TSSK2: variants seen among roughly 807,000 people sequenced by gnomAD.
The protein encoded by TSSK2 is testis-specific serine/threonine-protein kinase 2.
In TSSK2, 5 loss-of-function variants were observed where a neutral mutation model predicts 14.2. The ratio of observed to expected loss-of-function variants is 0.35; its 90% CI spans 0.18 to 0.74. The LOEUF is 0.74. Among genes scored for constraint, TSSK2 ranks in the 30% least tolerant of loss-of-function variants. The pLI is 0.56. For missense variants in TSSK2, 439 were observed against 491.1 expected (o/e 0.89, Z 1.00); for synonymous variants, 209 against 201.9 (o/e 1.04, Z -0.30).
chr22:19,132,549 C>T lies in TSSK2; in HGVS notation c.*73C>T. On this transcript the variant is annotated 3_prime_UTR_variant, in exon 1 of 1. Transcript: ENST00000399635. This position sits in a 1 kb window ranked among gnomAD's most constrained non-coding sequence, Gnocchi z 4.2. ...ATGGTGCAGTCGGCCTTCACGTAAA[C>T]TAAGTAGGCAGGTAGGATCTGAAGA... 6.9e-7 allele frequency: 1 copy of T among 1,440,838 alleles called. No homozygotes were observed. The highest frequency in any genetic ancestry group is 1.3e-5 in the South Asian group (1 of 75,186). 89.3% of individuals were successfully genotyped at this position (1,440,838 alleles called of 1,614,324 possible). A position where few individuals can be genotyped will look rare whatever the true frequency, so the allele number is the denominator to read the frequency against.
chr22:19,131,615 C>T lies in TSSK2; in HGVS notation c.216C>T (p.Ile72=). ...DILATVNHGS[I]IKTYEIFETS... ...TGGCAACTGTCAACCACGGCTCCAT[C>T]ATCAAGACTTACGAGATCTTTGAGA... The change falls in exon 1 of 1, where the codon ATC becomes ATT. Residue 72 remains isoleucine, a synonymous_variant. Transcript: ENST00000399635. This position sits in a 1 kb window ranked among gnomAD's most constrained non-coding sequence, Gnocchi z 5.7. 1 of 1,614,188 alleles carries T rather than the reference C, an allele frequency of 6.2e-7. No individual in the cohort carries two copies. The highest frequency in any genetic ancestry group is 1.7e-5 in the Admixed American group (1 of 60,024).
Position 19,132,046 on chromosome 22 carries a change from A to G in TSSK2, c.647A>G (p.Tyr216Cys), listed in dbSNP as rs780346057. The change falls in exon 1 of 1, where the codon TAT (tyrosine) becomes TGT (cysteine). Residue 216 changes from tyrosine to cysteine, a missense_variant. By Grantham distance (194) the Tyr-to-Cys change is radical (BLOSUM62 -2). Transcript: ENST00000399635. The surrounding 1 kb of genome is among the most constrained non-coding windows in gnomAD (Gnocchi z 4.2). ...ATCATGGTCTGCGGCTCCATGCCCT[A>G]TGACGACTCCGACATCAGGAAGATG... is the stretch of plus-strand genomic sequence containing the variant. ...LYIMVCGSMP[Y>C]DDSDIRKMLR... is the part of the protein sequence containing the mutation. 6.2e-6 allele frequency: 10 copies of G among 1,613,910 alleles called. No individual in the cohort carries two copies. The highest frequency in any genetic ancestry group is 5.0e-5 in the Admixed American group (3 of 59,998).
chr22:19,131,694 C>T lies in TSSK2; in HGVS notation c.295C>T (p.Leu99Phe). 1.2e-6 allele frequency: 2 copies of T among 1,614,096 alleles called. No individual in the cohort carries two copies. Among genetic ancestry groups the T allele is most frequent in the Non-Finnish European group, 1.7e-6 (2 of 1,179,978 alleles). ...GGAGCTTGGCGTCCAGGGCGACCTC[C>T]TCGAGTTCATCAAGTGCCAGGGAGC... The part of the protein sequence containing the change: ...IMELGVQGDL[L>F]EFIKCQGALH... The change falls in exon 1 of 1, where the codon CTC (leucine) becomes TTC (phenylalanine). Residue 99 changes from leucine to phenylalanine, a missense_variant. By Grantham distance (22) the Leu-to-Phe change is conservative (BLOSUM62 0). Coordinates refer to ENST00000399635, the MANE Select transcript of TSSK2 (RefSeq NM_053006.5). This position sits in a 1 kb window ranked among gnomAD's most constrained non-coding sequence, Gnocchi z 5.7.
rs368344123 is a variant in TSSK2 at position 19,131,533 on chromosome 22, G to T, written c.134G>T (p.Arg45Leu). 1 of 1,614,132 alleles carries T rather than the reference G, an allele frequency of 6.2e-7. No homozygotes were observed. Among genetic ancestry groups the T allele is most frequent in the Non-Finnish European group, 8.5e-7 (1 of 1,180,024 alleles). Residue 45 changes from arginine (R) to leucine (L), a missense_variant, in exon 1 of 1, where the codon CGC becomes CTC. By Grantham distance (102) the Arg-to-Leu change is moderately radical. Coordinates refer to ENST00000399635, the MANE Select transcript of TSSK2 (RefSeq NM_053006.5). The surrounding 1 kb of genome is among the most constrained non-coding windows in gnomAD (Gnocchi z 5.7). Reference protein sequence around the residue: ...KFNVAVKIIDRKKTPTDFVER... With the variant: ...KFNVAVKIIDLKKTPTDFVER... ...AATGTGGCTGTCAAGATCATCGACC[G>T]CAAGAAAACACCTACTGACTTTGTG... is the stretch of plus-strand genomic sequence containing the variant.
At position 19,131,740 on chromosome 22, in the gene TSSK2, G is replaced by A. The variant is rs750282273; in HGVS notation, c.341G>A (p.Arg114His). The change falls in exon 1 of 1, where the codon CGC (arginine) becomes CAC (histidine). Residue 114 changes from arginine (R) to histidine (H), a missense_variant. By Grantham distance (29) the Arg-to-His change is conservative (BLOSUM62 0). Transcript: ENST00000399635. The surrounding 1 kb of genome is among the most constrained non-coding windows in gnomAD (Gnocchi z 5.7). ...CQGALHEDVA[R>H]KMFRQLSSAV... ...GGAGCCCTGCATGAGGACGTGGCAC[G>A]CAAGATGTTCCGACAGCTCTCCTCC... 1.1e-5 allele frequency: 18 copies of A among 1,613,912 alleles called. No individual in the cohort carries two copies. The highest frequency in any genetic ancestry group is 6.7e-5 in the African/African-American group (5 of 74,910).
At position 19,131,697 on chromosome 22, in the gene TSSK2, G is replaced by A. The variant is rs1220520538; in HGVS notation, c.298G>A (p.Glu100Lys). ...MELGVQGDLLEFIKCQGALHE... is the reference protein window; with the variant it reads ...MELGVQGDLLKFIKCQGALHE... ...GCTTGGCGTCCAGGGCGACCTCCTC[G>A]AGTTCATCAAGTGCCAGGGAGCCCT... The change falls in exon 1 of 1, where the codon GAG becomes AAG. Residue 100 changes from glutamate (E) to lysine (K), a missense_variant. Glu to Lys is a moderately conservative substitution (Grantham distance 56). Transcript: ENST00000399635. The surrounding 1 kb of genome is among the most constrained non-coding windows in gnomAD (Gnocchi z 5.7). 4.3e-6 allele frequency: 7 copies of A among 1,613,992 alleles called. No individual in the cohort carries two copies. Among genetic ancestry groups the A allele is most frequent in the Non-Finnish European group, 3.4e-6 (4 of 1,179,972 alleles).
chr22:19,132,238 C>A lies in TSSK2; in HGVS notation c.839C>A (p.Thr280Lys). Residue 280 changes from threonine (T) to lysine (K), a missense_variant, in exon 1 of 1, where the codon ACG becomes AAG. Thr to Lys is a moderately conservative substitution (Grantham distance 78). Transcript: ENST00000399635. The surrounding 1 kb of genome is among the most constrained non-coding windows in gnomAD (Gnocchi z 4.2). ...SWLQPPKPKA[T>K]SSASFKREGE... Reference sequence around the variant, plus strand: ...CTGCAGCCCCCCAAGCCCAAAGCCACGTCTTCTGCCTCCTTCAAGAGGGAG... The same window carrying A: ...CTGCAGCCCCCCAAGCCCAAAGCCAAGTCTTCTGCCTCCTTCAAGAGGGAG... 4 of 1,611,478 alleles carry A rather than the reference C, an allele frequency of 2.5e-6. No homozygotes were observed. The highest frequency in any genetic ancestry group is 3.4e-6 in the Non-Finnish European group (4 of 1,178,246).
rs759018712 is a variant in TSSK2, at chr22:19,131,399, C to T, written c.-1C>T. The T allele has an allele frequency of 1.9e-6, 3 of 1,592,942 alleles. No homozygotes were observed. Among genetic ancestry groups the T allele is most frequent in the South Asian group, 1.1e-5 (1 of 87,978 alleles). The stretch of plus-strand genomic sequence containing the variant: ...CAGCGGCGCCAGTCGCTCCTGGCAC[C>T]ATGGACGATGCCACAGTCCTAAGGA... On this transcript the variant is annotated 5_prime_UTR_variant, in exon 1 of 1. Coordinates refer to ENST00000399635, the MANE Select transcript of TSSK2 (RefSeq NM_053006.5). This position sits in a 1 kb window ranked among gnomAD's most constrained non-coding sequence, Gnocchi z 5.7.
At position 19,132,107 on chromosome 22, in the gene TSSK2, G is replaced by C. The variant is rs138079700; in HGVS notation, c.708G>C (p.Pro236=). Residue 236 remains proline (P), a synonymous_variant, in exon 1 of 1, where the codon CCG becomes CCC. Transcript: ENST00000399635. The surrounding 1 kb of genome is among the most constrained non-coding windows in gnomAD (Gnocchi z 4.2). The part of the protein sequence containing the change: ...RIQKEHRVDF[P]RSKNLTCECK... Reference sequence around the variant, plus strand: ...AGAAGGAGCACCGTGTGGACTTCCCGCGCTCCAAGAACCTGACCTGCGAGT... The same window carrying C: ...AGAAGGAGCACCGTGTGGACTTCCCCCGCTCCAAGAACCTGACCTGCGAGT... 162 of 1,612,844 alleles carry C rather than the reference G, an allele frequency of 1.0e-4. No homozygotes were observed. The highest frequency in any genetic ancestry group is 3.3e-4 in the Middle Eastern group (2 of 6,080).
In TSSK2 at chr22:19,132,382, A is replaced by G; in HGVS notation, c.983A>G (p.Glu328Gly). Reference protein sequence around the residue: ...KTQHRLLVVPENENRMEDRLA... With the variant: ...KTQHRLLVVPGNENRMEDRLA... ...CAGCACCGGCTGCTGGTGGTGCCCG[A>G]GAACGAGAACAGGATGGAGGACAGG... Residue 328 changes from glutamate to glycine, a missense_variant, in exon 1 of 1, where the codon GAG becomes GGG. By Grantham distance (98) the Glu-to-Gly change is moderately conservative. Coordinates refer to ENST00000399635, the MANE Select transcript of TSSK2 (RefSeq NM_053006.5). The surrounding 1 kb of genome is among the most constrained non-coding windows in gnomAD (Gnocchi z 4.2). 1.2e-6 allele frequency: 2 copies of G among 1,613,164 alleles called. No individual in the cohort carries two copies. The highest frequency in any genetic ancestry group is 1.7e-6 in the Non-Finnish European group (2 of 1,180,016).
Position 19,132,155 on chromosome 22 carries a change from G to A in TSSK2, c.756G>A (p.Met252Ile), listed in dbSNP as rs1266851235. Residue 252 changes from methionine (M) to isoleucine (I), a missense_variant, in exon 1 of 1, where the codon ATG becomes ATA. Met to Ile is a conservative substitution (Grantham distance 10). Coordinates refer to ENST00000399635, the MANE Select transcript of TSSK2 (RefSeq NM_053006.5). The surrounding 1 kb of genome is among the most constrained non-coding windows in gnomAD (Gnocchi z 4.2). ...TCECKDLIYR[M>I]LQPDVSQRLH... is the part of the protein sequence containing the mutation. ...AGTGCAAGGACCTCATCTACCGCAT[G>A]CTGCAGCCCGACGTCAGCCAGCGGC... 1.2e-6 allele frequency: 2 copies of A among 1,613,182 alleles called. No individual in the cohort carries two copies. The highest frequency in any genetic ancestry group is 1.7e-5 in the Admixed American group (1 of 59,996).
chr22:19,132,191 T>C lies in TSSK2; in HGVS notation c.792T>C (p.Asp264=). 6.2e-7 allele frequency: 1 copy of C among 1,613,004 alleles called. No individual in the cohort carries two copies. The highest frequency in any genetic ancestry group is 8.5e-7 in the Non-Finnish European group (1 of 1,179,244). ...ACGTCAGCCAGCGGCTCCACATCGA[T>C]GAGATCCTCAGCCACTCGTGGCTGC... is the stretch of plus-strand genomic sequence containing the variant. The part of the protein sequence containing the change: ...QPDVSQRLHI[D]EILSHSWLQP... Residue 264 remains aspartate, a synonymous_variant, in exon 1 of 1, where the codon GAT becomes GAC. Transcript: ENST00000399635. The surrounding 1 kb of genome is among the most constrained non-coding windows in gnomAD (Gnocchi z 4.2).
At position 19,131,938 on chromosome 22, in the gene TSSK2, C is replaced by T. The variant is rs2083512207; in HGVS notation, c.539C>T (p.Ala180Val). The stretch of plus-strand genomic sequence containing the variant: ...AGCAAGACCTTCTGCGGGTCGGCAG[C>T]ATATGCAGCCCCCGAGGTGCTGCAG... ...ILSKTFCGSA[A>V]YAAPEVLQSI... Residue 180 changes from alanine (A) to valine (V), a missense_variant, in exon 1 of 1, where the codon GCA becomes GTA. Coordinates refer to ENST00000399635, the MANE Select transcript of TSSK2 (RefSeq NM_053006.5). The surrounding 1 kb of genome is among the most constrained non-coding windows in gnomAD (Gnocchi z 5.7). The T allele has an allele frequency of 6.2e-7, 1 of 1,614,148 alleles. No homozygotes were observed. Among genetic ancestry groups the T allele is most frequent in the Non-Finnish European group, 8.5e-7 (1 of 1,180,000 alleles).
chr22:19,131,495 G>C lies in TSSK2; in HGVS notation c.96G>C (p.Glu32Asp), dbSNP rs1259174565. Reference sequence around the variant, plus strand: ...CAAAAGTCAAATCTGCCTACTCTGAGCGCCTCAAGTTCAATGTGGCTGTCA... The same window carrying C: ...CAAAAGTCAAATCTGCCTACTCTGACCGCCTCAAGTTCAATGTGGCTGTCA... Reference protein sequence around the residue: ...SYAKVKSAYSERLKFNVAVKI... With the variant: ...SYAKVKSAYSDRLKFNVAVKI... The change falls in exon 1 of 1, where the codon GAG becomes GAC. Residue 32 changes from glutamate (E) to aspartate (D), a missense_variant. Transcript: ENST00000399635. The surrounding 1 kb of genome is among the most constrained non-coding windows in gnomAD (Gnocchi z 5.7). 1 of 1,614,058 alleles carries C rather than the reference G, an allele frequency of 6.2e-7. No homozygotes were observed. The highest frequency in any genetic ancestry group is 1.3e-5 in the African/African-American group (1 of 74,920).
chr22:19,132,453 G>A lies in TSSK2; in HGVS notation c.1054G>A (p.Glu352Lys). 6.2e-7 allele frequency: 1 copy of A among 1,611,090 alleles called. No homozygotes were observed. The highest frequency in any genetic ancestry group is 1.1e-5 in the South Asian group (1 of 90,966). The change falls in exon 1 of 1, where the codon GAG becomes AAG. Residue 352 changes from glutamate (E) to lysine (K), a missense_variant. Glu to Lys is a moderately conservative substitution (Grantham distance 56, BLOSUM62 1). Transcript: ENST00000399635. The surrounding 1 kb of genome is among the most constrained non-coding windows in gnomAD (Gnocchi z 4.2). ...RAKDHHISGAEVGKAST is the reference protein window; with the variant it reads ...RAKDHHISGAKVGKAST Reference sequence around the variant, plus strand: ...CAAAGACCATCACATCTCCGGAGCTGAGGTGGGGAAAGCAAGCACCTAGCA... The same window carrying A: ...CAAAGACCATCACATCTCCGGAGCTAAGGTGGGGAAAGCAAGCACCTAGCA...
At position 19,132,411 on chromosome 22, in the gene TSSK2, G is replaced by A; in HGVS notation, c.1012G>A (p.Ala338Thr). 6.2e-7 allele frequency: 1 copy of A among 1,612,996 alleles called. No individual in the cohort carries two copies. Among genetic ancestry groups the A allele is most frequent in the Non-Finnish European group, 8.5e-7 (1 of 1,180,016 alleles). Residue 338 changes from alanine (A) to threonine (T), a missense_variant, in exon 1 of 1, where the codon GCC becomes ACC. By Grantham distance (58) the Ala-to-Thr change is moderately conservative. Coordinates refer to ENST00000399635, the MANE Select transcript of TSSK2 (RefSeq NM_053006.5). The surrounding 1 kb of genome is among the most constrained non-coding windows in gnomAD (Gnocchi z 4.2). ...ENENRMEDRL[A>T]ETSRAKDHHI... The stretch of plus-strand genomic sequence containing the variant: ...CGAGAACAGGATGGAGGACAGGCTG[G>A]CCGAGACCTCCAGGGCCAAAGACCA...
In TSSK2 at chr22:19,132,518, G is replaced by A. The variant is rs748537405; in HGVS notation, c.*42G>A. 7.1e-5 allele frequency: 111 copies of A among 1,556,858 alleles called. 1 individual carries two copies. The highest frequency in any genetic ancestry group is 2.6e-4 in the African/African-American group (19 of 73,712). ...TTGTGTGTGGTGGGGGTCGGGGTTG[G>A]GGGGCATGGTGCAGTCGGCCTTCAC... is the stretch of plus-strand genomic sequence containing the variant. On this transcript the variant is annotated 3_prime_UTR_variant, in exon 1 of 1. Transcript: ENST00000399635. The surrounding 1 kb of genome is among the most constrained non-coding windows in gnomAD (Gnocchi z 4.2).
In TSSK2 at chr22:19,131,593, C is replaced by T; in HGVS notation, c.194C>T (p.Ala65Val). 6.2e-7 allele frequency: 1 copy of T among 1,614,150 alleles called. No homozygotes were observed. The highest frequency in any genetic ancestry group is 8.5e-7 in the Non-Finnish European group (1 of 1,180,038). The change falls in exon 1 of 1, where the codon GCA becomes GTA. Residue 65 changes from alanine to valine, a missense_variant. Coordinates refer to ENST00000399635, the MANE Select transcript of TSSK2 (RefSeq NM_053006.5). The surrounding 1 kb of genome is among the most constrained non-coding windows in gnomAD (Gnocchi z 5.7). ...CTTCCTCGGGAGATGGACATCCTGGCAACTGTCAACCACGGCTCCATCATC... is the reference window on the plus strand; with the variant it reads ...CTTCCTCGGGAGATGGACATCCTGGTAACTGTCAACCACGGCTCCATCATC... ...RFLPREMDIL[A>V]TVNHGSIIKT...
chr22:19,132,552 A>G lies in TSSK2; in HGVS notation c.*76A>G, dbSNP rs954512740. 44 of 1,422,850 alleles carry G rather than the reference A, an allele frequency of 3.1e-5. No individual in the cohort carries two copies. Among genetic ancestry groups the G allele is most frequent in the Non-Finnish European group, 4.2e-5 (44 of 1,041,962 alleles). The allele number at this position is 1,422,850 out of a possible 1,614,324, so 88.1% of individuals were successfully genotyped here. On this transcript the variant is annotated 3_prime_UTR_variant, in exon 1 of 1. Coordinates refer to ENST00000399635, the MANE Select transcript of TSSK2 (RefSeq NM_053006.5). This position sits in a 1 kb window ranked among gnomAD's most constrained non-coding sequence, Gnocchi z 4.2. ...GTGCAGTCGGCCTTCACGTAAACTA[A>G]GTAGGCAGGTAGGATCTGAAGAAGG...
Sources: gnomAD v4.1 joint callset for allele counts on GRCh38, gnomAD v4.1.1 for gene constraint, Gnocchi (gnomAD v3.1) non-coding constraint, MANE v1.5 for transcripts, NCBI Gene and HGNC (gene_info 2026-07-23, HGNC 2026-07-21) for gene names.